Variants in PRDX4 observed in about 807,000 individuals in gnomAD.
The protein encoded by PRDX4 is peroxiredoxin-4.
A neutral mutation model predicts 20.5 loss-of-function variants in PRDX4; 12 were observed. The observed-to-expected ratio is 0.58, with a 90% CI of 0.37 to 0.95. The LOEUF is 0.95. Ranked by LOEUF, PRDX4 falls within the 40% of genes least tolerant of loss-of-function variation. PRDX4 has a pLI of 0.01. For missense variants in PRDX4, 180 were observed against 207.3 expected (o/e 0.87, Z 0.81); for synonymous variants, 99 against 87.5 (o/e 1.13, Z -0.73).
At chrX:23,685,357 G>A (rs778702398) in intron 6 of PRDX4, among the ~76,000 whole-genome samples, 35 of 111,964 alleles carry the variant, frequency 3.1e-4, no homozygotes, top group African/African-American at 1.1e-3. Context: ...TTAAGCTGCT[G>A]CTTAAGCCAG....
chrX:23,677,215 G>C (rs781726957), intron 3 of PRDX4, among the ~76,000 whole-genome samples: 1 of 111,444 alleles, frequency 9.0e-6, no homozygotes, highest in African/African-American at 3.3e-5. Context: ...TTCTACTTGG[G>C]TGTCAGAACT....
At chrX:23,678,932 C>T (rs759788063) in intron 3 of PRDX4, among the ~76,000 whole-genome samples, 1 of 111,439 alleles carries the variant, frequency 9.0e-6, no homozygotes, top group South Asian at 3.7e-4. Flanking sequence ...GAGCAAGACC[C>T]TGTCTCAAAA....
intron 3 of PRDX4, among the ~76,000 whole-genome samples, chrX:23,678,127 C>T (rs1408558046): frequency 9.2e-6 from 1 of 108,774 alleles, no homozygotes; most frequent in African/African-American, 3.4e-5. Context: ...AATAGCTGGG[C>T]GTGGTGGCGG....
chrX:23,674,840 T>TG, intron 2 of PRDX4, 150 bp from the exon 3 acceptor site: 1 of 760,875 alleles, frequency 1.3e-6, no homozygotes, highest in Non-Finnish European at 1.8e-6. Flanking sequence ...GACAGTCTTT[T>TG]AGACTACTCC....
rs907918411 is a variant in PRDX4 at position 23,686,279 on chromosome X, T to G, written c.766-6T>G. 1 of 1,171,786 alleles carries G rather than the reference T, an allele frequency of 8.5e-7. No homozygotes were observed. The highest frequency in any genetic ancestry group is 1.8e-5 in the African/African-American group (1 of 56,566). ...ATAATTTCCTTTCTTCGTTTTGTTT[T>G]AACAGATAATCCCAGATCCAGCTGG... On this transcript the variant is annotated splice_region_variant and splice_polypyrimidine_tract_variant and intron_variant, in intron 6 of 6. Coordinates refer to ENST00000379341, the MANE Select transcript of PRDX4 (RefSeq NM_006406.2).
chrX:23,676,623 T>A (rs1408620202), intron 3 of PRDX4, among the ~76,000 whole-genome samples: 4 of 108,754 alleles, frequency 3.7e-5, no homozygotes, highest in Non-Finnish European at 7.6e-5. Flanking sequence ...AGACCCCATC[T>A]ATACAAAAAA....
chrX:23,675,293 A>G (rs1456069425), intron 3 of PRDX4, 187 bp downstream of exon 3: 1 of 858,690 alleles, frequency 1.2e-6, no homozygotes, highest in African/African-American at 2.0e-5. Flanking sequence ...GAGTAATATA[A>G]TCAGCTGCTA....
chrX:23,685,273 G>A (rs1263795726), intron 6 of PRDX4, among the ~76,000 whole-genome samples: 1 of 112,170 alleles, frequency 8.9e-6, no homozygotes, highest in Admixed American at 9.5e-5. Flanking sequence ...ATCAGTCACA[G>A]AGGGTTTTGC....
intron 5 of PRDX4, among the ~76,000 whole-genome samples, chrX:23,682,853 A>AATATATATATATATATATATATATAT (rs1173209030): frequency 4.7e-4 from 7 of 14,872 alleles, no homozygotes; most frequent in South Asian, 6.4e-3. Context: ...AAAAAAAAAA[A>AATATATATATATATATATATATATAT]ATATATATAT....
rs761057742 is a variant in PRDX4, at chrX:23,667,627, G to C, written c.57G>C (p.Arg19Ser). 4.2e-6 allele frequency: 5 copies of C among 1,198,543 alleles called. No individual in the cohort carries two copies. The Admixed American group carries it at 6.8e-5, about 16-fold the overall frequency. ...ATTPDHGRHR[R>S]LLLLPLLLFL... ...CTCCGGACCACGGCCGCCACCGAAGGCTGCTTCTGCTGCCGCTACTGCTGT... is the reference window on the plus strand; with the variant it reads ...CTCCGGACCACGGCCGCCACCGAAGCCTGCTTCTGCTGCCGCTACTGCTGT... The change falls in exon 1 of 7, where the codon AGG (arginine) becomes AGC (serine). Residue 19 changes from arginine (R) to serine (S), a missense_variant. Around this residue, in one of 3 missense-constraint regions of PRDX4, gnomAD observed 105 missense variants for 114.2 expected, o/e 0.92. Transcript: ENST00000379341.
chrX:23,675,436 G>T, intron 3 of PRDX4: 1 of 252,064 alleles, frequency 4.0e-6, no homozygotes. Flanking sequence ...TAATCTGGAG[G>T]AAAAAAATCT....
At chrX:23,677,945 C>T (rs987250786) in intron 3 of PRDX4, among the ~76,000 whole-genome samples, 23 of 112,225 alleles carry the variant, frequency 2.0e-4, no homozygotes, top group Non-Finnish European at 3.8e-4. Context: ...ACATTTTTAG[C>T]TAATGATATT....
intron 2 of PRDX4, among the ~76,000 whole-genome samples, chrX:23,673,755 CAAA>C (rs763938356): frequency 6.0e-5 from 2 of 33,155 alleles, no homozygotes; most frequent in Non-Finnish European, 5.6e-5. Flanking sequence ...GACCCTGCCA[CAAA>C]AAAAAAAAAA....
At chrX:23,671,498 T>A (rs747556149) in intron 1 of PRDX4, 31 bp from the exon 2 acceptor site, 2 of 1,093,683 alleles carry the variant, frequency 1.8e-6, no homozygotes, top group Admixed American at 4.7e-5. Context: ...TTTCTCAGTG[T>A]TACAGAACAT....
chrX:23,680,696 G>A (rs554718734), intron 4 of PRDX4, among the ~76,000 whole-genome samples: 3 of 109,043 alleles, frequency 2.8e-5, no homozygotes, highest in African/African-American at 1.0e-4. Context: ...TTTGAGACTA[G>A]TCTGGGCAAC....
Position 23,677,253 on chromosome X carries a change from G to A in PRDX4, c.477-1912G>A, listed in dbSNP as rs369701833. ...GGCTCCAGATATCTAGAGCAATGTC[G>A]TTTTGTTTTCTATCTGCTGTGTCAG... On this transcript the variant is annotated intron_variant, in intron 3 of 6. Transcript: ENST00000379341. Among the ~76,000 whole-genome samples, 11 of 111,193 alleles carry A rather than the reference G, an allele frequency of 9.9e-5. No individual in the cohort carries two copies. In the East Asian group the frequency reaches 2.3e-3, roughly 23 times the overall value.
chrX:23,683,314 G>A (rs779370654), intron 5 of PRDX4, among the ~76,000 whole-genome samples: 6 of 111,785 alleles, frequency 5.4e-5, no homozygotes, highest in Non-Finnish European at 9.4e-5. Context: ...GCAAACAAGC[G>A]TACTGGAAGT....
intron 1 of PRDX4, among the ~76,000 whole-genome samples, chrX:23,668,405 G>A (rs1927774343): frequency 8.9e-6 from 1 of 112,233 alleles, no homozygotes; most frequent in Admixed American, 9.4e-5. Context: ...ACTTTTGAGG[G>A]AAATGGGGGA....
intron 3 of PRDX4, among the ~76,000 whole-genome samples, chrX:23,677,288 G>A (rs921692101): frequency 9.0e-6 from 1 of 111,080 alleles, no homozygotes; most frequent in Non-Finnish European, 1.9e-5. Context: ...GTACCCTCCT[G>A]TTAGAGCATC....
Sources: allele counts gnomAD v4.1 joint callset (sites outside exome capture counted in the v4.1 genomes callset), GRCh38; gene constraint gnomAD v4.1.1; regional missense constraint gnomAD v4.1.1; transcripts MANE v1.5; gene names NCBI Gene and HGNC (gene_info 2026-07-23, HGNC 2026-07-21).